TPRG1: variants seen among roughly 807,000 people sequenced by gnomAD.
The protein encoded by TPRG1 is tumor protein p63-regulated gene 1 protein.
In TPRG1, 29 loss-of-function variants were observed where a neutral mutation model predicts 29.3. The ratio of observed to expected loss-of-function variants is 0.99; its 90% confidence interval spans 0.74 to 1.35. TPRG1 has a LOEUF of 1.35. Among genes scored for constraint, TPRG1 ranks in the 40% most tolerant of loss-of-function variants. The probability of loss-of-function intolerance (pLI) is 0.00; values close to 1 mark genes in which losing one functional copy is unlikely to be tolerated. For synonymous variants in TPRG1, 130 were observed against 116.8 expected (o/e 1.11, Z -0.73); for missense variants, 327 against 335.0 (o/e 0.98, Z 0.19).
At chr3:189,102,717 G>T (rs1358058736) in intron 1 of TPRG1, among the ~76,000 whole-genome samples, 2 of 152,016 alleles carry the variant, frequency 1.3e-5, no homozygotes, top group South Asian at 2.1e-4. Flanking sequence ...TTCTTCCATG[G>T]TTCCCCAAAG....
chr3:189,031,247 C>T (rs1257105501), intron 4 of TPRG1, among the ~76,000 whole-genome samples: 6 of 150,988 alleles, frequency 4.0e-5, no homozygotes, highest in Admixed American at 6.6e-5. Context: ...GCCGCGATTG[C>T]GCCACTGCAC....
intron 3 of TPRG1, among the ~76,000 whole-genome samples, chr3:189,136,012 A>C (rs1723706519): frequency 6.6e-6 from 1 of 152,140 alleles, no homozygotes; most frequent in African/African-American, 2.4e-5. Flanking sequence ...TATAATATCT[A>C]AATTATATTA....
chr3:189,079,955 T>C (rs1050072399), intron 4 of TPRG1, among the ~76,000 whole-genome samples: 2 of 152,208 alleles, frequency 1.3e-5, no homozygotes, highest in Non-Finnish European at 2.9e-5. Context: ...TACCTGATAC[T>C]TTTTTGTGCC....
rs893324373 is a variant in TPRG1, at chr3:189,197,323, G to A, written c.-9-10053G>A. Among the ~76,000 whole-genome samples, 50 of 152,116 alleles carry A rather than the reference G, an allele frequency of 3.3e-4. 2 individuals are homozygous for A. The highest frequency in any genetic ancestry group is 2.5e-3 in the Admixed American group (38 of 15,266). The stretch of plus-strand genomic sequence containing the variant: ...ACATCTGAGTCTTTACAGGCTCTCC[G>A]AGTGCATTATCAGGACCCACATCTT... On this transcript the variant is annotated intron_variant, in intron 1 of 5. Coordinates refer to ENST00000345063, the MANE Select transcript of TPRG1 (RefSeq NM_198485.4).
intron 4 of TPRG1, among the ~76,000 whole-genome samples, chr3:189,271,953 T>G (rs1279090154): frequency 6.6e-6 from 1 of 152,018 alleles, no homozygotes; most frequent in Non-Finnish European, 1.5e-5. Flanking sequence ...TCTAAAAGAG[T>G]GGGTATATCG....
At chr3:189,104,284 A>G (rs1455631985) in intron 1 of TPRG1, among the ~76,000 whole-genome samples, 1 of 152,156 alleles carries the variant, frequency 6.6e-6, no homozygotes, top group Non-Finnish European at 1.5e-5. Context: ...TACTGACGAT[A>G]GAGCACTAAC....
At chr3:189,125,339 C>A (rs547003602) in intron 1 of TPRG1, among the ~76,000 whole-genome samples, 1 of 152,148 alleles carries the variant, frequency 6.6e-6, no homozygotes, top group Non-Finnish European at 1.5e-5. Context: ...GTTAACCTCC[C>A]GTATTGTTTT....
At chr3:189,230,791 G>C (rs1194091267) in intron 3 of TPRG1, among the ~76,000 whole-genome samples, 2 of 152,018 alleles carry the variant, frequency 1.3e-5, no homozygotes, top group Non-Finnish European at 1.5e-5. Flanking sequence ...ATCAGTAGGG[G>C]GATTACTTCT....
chr3:189,077,673 C>T (rs1717272377), intron 4 of TPRG1, among the ~76,000 whole-genome samples: 1 of 152,110 alleles, frequency 6.6e-6, no homozygotes, highest in Non-Finnish European at 1.5e-5. Context: ...ATATTCCACC[C>T]TTTTAATCCA....
At chr3:189,130,522 T>A (rs2108530767) in intron 2 of TPRG1, among the ~76,000 whole-genome samples, 1 of 152,362 alleles carries the variant, frequency 6.6e-6, no homozygotes, top group Non-Finnish European at 1.5e-5. Flanking sequence ...ACGTAGCAGA[T>A]TATTTTAACC....
At chr3:189,192,728 G>T (rs1324977724) in intron 1 of TPRG1, among the ~76,000 whole-genome samples, 1 of 152,012 alleles carries the variant, frequency 6.6e-6, no homozygotes, top group Non-Finnish European at 1.5e-5. Flanking sequence ...TCATTATAAG[G>T]TTTGCTTCTT....
chr3:189,083,443 A>G (rs1358686407), intron 4 of TPRG1, among the ~76,000 whole-genome samples: 1 of 152,240 alleles, frequency 6.6e-6, no homozygotes, highest in East Asian at 1.9e-4. Context: ...TGGGCCTGTC[A>G]CGCCATCTAC....
chr3:189,043,296 C>T (rs753279454), intron 4 of TPRG1, among the ~76,000 whole-genome samples: 6 of 152,010 alleles, frequency 3.9e-5, no homozygotes, highest in East Asian at 1.9e-4. Flanking sequence ...TTAAAGAGTA[C>T]GGTTTAAAGG....
At chr3:189,140,674 A>AC (rs1195453844) in intron 3 of TPRG1, among the ~76,000 whole-genome samples, 1 of 152,162 alleles carries the variant, frequency 6.6e-6, no homozygotes, top group Non-Finnish European at 1.5e-5. Context: ...CACAAATCTT[A>AC]CCTGCACCTT....
intron 4 of TPRG1, among the ~76,000 whole-genome samples, chr3:189,037,016 T>A (rs1414429299): frequency 7.3e-6 from 1 of 137,628 alleles, no homozygotes; most frequent in Admixed American, 7.9e-5. Flanking sequence ...CCCAAATGAT[T>A]TATAAGTGAC....
At chr3:189,118,632 C>T (rs1378975371) in intron 1 of TPRG1, among the ~76,000 whole-genome samples, 1 of 152,228 alleles carries the variant, frequency 6.6e-6, no homozygotes, top group Non-Finnish European at 1.5e-5. Flanking sequence ...ATCCCAGCTG[C>T]TTCAGCTCCA....
At chr3:189,020,068 C>T (rs1251594268) in intron 3 of TPRG1, among the ~76,000 whole-genome samples, 17 of 152,038 alleles carry the variant, frequency 1.1e-4, no homozygotes, top group South Asian at 2.1e-4. Flanking sequence ...TCTGTGGGAT[C>T]GGTGGTGATA....
At chr3:189,262,203 GGTATAAGTATAAGTATAA>G (rs59142894) in intron 4 of TPRG1, among the ~76,000 whole-genome samples, 128 of 141,540 alleles carry the variant, frequency 9.0e-4, no homozygotes, top group South Asian at 1.4e-3. Context: ...GAGAAGACTT[GGTATAAGTATAAGTATAA>G]GTATAAGTAT....
chr3:189,286,446 A>T (rs1718071954), intron 4 of TPRG1, among the ~76,000 whole-genome samples: 1 of 152,128 alleles, frequency 6.6e-6, no homozygotes, highest in South Asian at 2.1e-4. Flanking sequence ...ATGCCAATCC[A>T]GAGTAGGAGC....
Sources: allele counts gnomAD v4.1 joint callset (sites outside exome capture counted in the v4.1 genomes callset), GRCh38; gene constraint gnomAD v4.1.1; transcripts MANE v1.5; gene names NCBI Gene and HGNC (gene_info 2026-07-23, HGNC 2026-07-21).